Variants in DZIP3 observed in about 807,000 individuals in gnomAD.
DZIP3 encodes E3 ubiquitin-protein ligase DZIP3.
Under a neutral mutation model 162.0 loss-of-function variants are expected in DZIP3, and 118 were observed. That is an observed-to-expected ratio of 0.73 (90% CI 0.63 to 0.85). The LOEUF (loss-of-function observed/expected upper bound fraction) is 0.85. DZIP3 is among the 40% of genes least tolerant of loss of function. The pLI, the probability that DZIP3 is intolerant of heterozygous loss-of-function variation, is 0.00. For synonymous variants in DZIP3, 438 were observed against 458.6 expected (o/e 0.96, Z 0.57); for missense variants, 1,331 against 1,407.0 (o/e 0.95, Z 0.86).
rs995584838 is a variant in DZIP3 at position 108,603,253 on chromosome 3, A to G, written c.-72-2082A>G. On this transcript the variant is annotated intron_variant, in intron 1 of 32. Coordinates refer to ENST00000361582, the MANE Select transcript of DZIP3 (RefSeq NM_014648.4). ...TCTCTAGGTATGAAATAATGCCTTA[A>G]CTGTTGTTACTTTTTATTAAAATAA... The G allele has an allele frequency of 8.5e-5, 13 of 152,250 alleles. 1 individual carries two copies. 9.4% of individuals were successfully genotyped at this position (152,250 alleles called of 1,614,324 possible). A position where few individuals can be genotyped will look rare whatever the true frequency, so the allele number is the denominator to read the frequency against.
chr3:108,592,582 G>T (rs563653982), intron 1 of DZIP3, among the ~76,000 whole-genome samples: 1 of 151,780 alleles, frequency 6.6e-6, no homozygotes, highest in Non-Finnish European at 1.5e-5. Context: ...TGTAGTCCCA[G>T]CTACTCAGGA....
At position 108,642,478 on chromosome 3, in the gene DZIP3, A is replaced by G. The variant is rs1280797268; in HGVS notation, c.1105A>G (p.Ile369Val). 2.0e-6 allele frequency: 3 copies of G among 1,486,310 alleles called. No individual in the cohort carries two copies. The highest frequency in any genetic ancestry group is 2.7e-6 in the Non-Finnish European group (3 of 1,096,606). The allele number at this position is 1,486,310 out of a possible 1,614,324, so 92.1% of individuals were successfully genotyped here. A position where few individuals can be genotyped will look rare whatever the true frequency, so the allele number is the denominator to read the frequency against. ...LISLKITDTD[I>V]RPKISLKFNT... ...ATCTCTGAAAATAACTGATACTGAT[A>G]TAAGACCGAAGATCAGTTTAAAATT... The change falls in exon 13 of 33, where the codon ATA (isoleucine) becomes GTA (valine). Residue 369 changes from isoleucine to valine, a missense_variant. Ile to Val is a conservative substitution (Grantham distance 29). This residue lies in a region of DZIP3 where 1,278 missense variants were observed against 1,317.1 expected (regional missense o/e 0.97). Coordinates refer to ENST00000361582, the MANE Select transcript of DZIP3 (RefSeq NM_014648.4).
At chr3:108,602,168 A>G (rs1940057267) in intron 1 of DZIP3, among the ~76,000 whole-genome samples, 1 of 152,222 alleles carries the variant, frequency 6.6e-6, no homozygotes, top group Non-Finnish European at 1.5e-5. Context: ...TGATAGTAAC[A>G]CAAGTTAAAT....
chr3:108,661,287 A>G (rs1345461921), intron 19 of DZIP3, among the ~76,000 whole-genome samples: 2 of 152,222 alleles, frequency 1.3e-5, no homozygotes, highest in African/African-American at 4.8e-5. Flanking sequence ...CATATACACC[A>G]CGGAATACTA....
At chr3:108,689,725 T>C (rs535801558) in intron 31 of DZIP3, among the ~76,000 whole-genome samples, 1 of 152,192 alleles carries the variant, frequency 6.6e-6, no homozygotes, top group Admixed American at 6.5e-5. Context: ...GGCATGTCTT[T>C]TGTTGATTCT....
intron 26 of DZIP3, among the ~76,000 whole-genome samples, chr3:108,679,062 T>A (rs1302797895): frequency 6.6e-6 from 1 of 152,144 alleles, no homozygotes; most frequent in African/African-American, 2.4e-5. Flanking sequence ...ACTACTCTGA[T>A]AAGGAATGTG....
At chr3:108,603,028 G>C (rs1940117789) in intron 1 of DZIP3, 1 of 152,150 alleles carries the variant, frequency 6.6e-6, no homozygotes, top group Non-Finnish European at 1.5e-5. Flanking sequence ...GCTGAACACT[G>C]AACAGCTTAG....
intron 27 of DZIP3, among the ~76,000 whole-genome samples, chr3:108,684,918 A>C (rs1489003555): frequency 6.6e-6 from 1 of 152,216 alleles, no homozygotes; most frequent in African/African-American, 2.4e-5. Context: ...CAGAATTATC[A>C]GTTGTAATCT....
At chr3:108,625,210 A>G (rs1941538584) in intron 6 of DZIP3, among the ~76,000 whole-genome samples, 1 of 152,110 alleles carries the variant, frequency 6.6e-6, no homozygotes, top group Admixed American at 6.5e-5. Context: ...AGCATCTATT[A>G]TAACAGATCC....
At position 108,671,642 on chromosome 3, in the gene DZIP3, T is replaced by G. The variant is rs114000830; in HGVS notation, c.2493-918T>G. On this transcript the variant is annotated intron_variant, in intron 22 of 32. Coordinates refer to ENST00000361582, the MANE Select transcript of DZIP3 (RefSeq NM_014648.4). Reference sequence around the variant, plus strand: ...AATATTTTAATGCAGTAACTTCACGTAATGACGGGGATAATAAAAACCTAT... The same window carrying G: ...AATATTTTAATGCAGTAACTTCACGGAATGACGGGGATAATAAAAACCTAT... Among the ~76,000 whole-genome samples, 596 of 152,074 alleles carry G rather than the reference T, an allele frequency of 3.9e-3. 6 individuals are homozygous for G. The highest frequency in any genetic ancestry group is 0.014 in the African/African-American group (582 of 41,540).
intron 19 of DZIP3, among the ~76,000 whole-genome samples, chr3:108,661,018 C>T (rs1198573162): frequency 6.6e-6 from 1 of 152,194 alleles, no homozygotes; most frequent in Non-Finnish European, 1.5e-5. Flanking sequence ...GAAATAGGAA[C>T]ACTTTTACAC....
chr3:108,662,341 G>A (rs2107303040), intron 21 of DZIP3, 84 bp downstream of exon 21: 1 of 1,444,376 alleles, frequency 6.9e-7, no homozygotes, highest in Non-Finnish European at 9.1e-7. Context: ...TAACCACTAG[G>A]TGGCACTGTG....
At chr3:108,685,075 A>G (rs1944449630) in intron 27 of DZIP3, among the ~76,000 whole-genome samples, 1 of 152,136 alleles carries the variant, frequency 6.6e-6, no homozygotes. Context: ...TATATTGCTA[A>G]CAGTTTCCTT....
chr3:108,662,114 A>G lies in DZIP3; in HGVS notation c.2296-16A>G, dbSNP rs1158781847. On this transcript the variant is annotated splice_polypyrimidine_tract_variant and intron_variant, in intron 20 of 32. Coordinates refer to ENST00000361582, the MANE Select transcript of DZIP3 (RefSeq NM_014648.4). ...CTTGAACATAATTATCTGAAATAAT[A>G]TTTTTTATTGATCAGGATTTCAAAA... 1 of 1,580,436 alleles carries G rather than the reference A, an allele frequency of 6.3e-7. No homozygotes were observed. The highest frequency in any genetic ancestry group is 1.4e-5 in the African/African-American group (1 of 72,728).
rs1310655119 is a variant in DZIP3, at chr3:108,688,115, C to A, written c.3270+19C>A. On this transcript the variant is annotated intron_variant, in intron 29 of 32. Coordinates refer to ENST00000361582, the MANE Select transcript of DZIP3 (RefSeq NM_014648.4). ...GTCTCAGGTAAAATGCAAAAACAACCAAAAAACCTGTATCTCTCTGCCCTT... is the reference window on the plus strand; with the variant it reads ...GTCTCAGGTAAAATGCAAAAACAACAAAAAAACCTGTATCTCTCTGCCCTT... The A allele has an allele frequency of 1.2e-6, 2 of 1,610,954 alleles. No individual in the cohort carries two copies. The highest frequency in any genetic ancestry group is 2.7e-5 in the African/African-American group (2 of 74,728).
intron 2 of DZIP3, among the ~76,000 whole-genome samples, chr3:108,607,733 A>G (rs1431951830): frequency 6.6e-6 from 1 of 152,192 alleles, no homozygotes; most frequent in South Asian, 2.1e-4. Flanking sequence ...CTAACCTGTA[A>G]TATCTTCATA....
chr3:108,678,577 G>A (rs560584725), intron 26 of DZIP3, among the ~76,000 whole-genome samples: 2 of 152,072 alleles, frequency 1.3e-5, no homozygotes, highest in South Asian at 4.2e-4. Context: ...TTCTCTGCTT[G>A]TTGTTAGGGG....
intron 31 of DZIP3, 127 bp from the exon 32 acceptor site, chr3:108,690,660 G>A (rs2107444599): frequency 5.1e-6 from 4 of 789,592 alleles, no homozygotes; most frequent in South Asian, 2.0e-5. Context: ...TTGGTTTGAC[G>A]ATCCACAGCG....
At chr3:108,623,676 C>A (rs1941469657) in intron 5 of DZIP3, among the ~76,000 whole-genome samples, 1 of 152,190 alleles carries the variant, frequency 6.6e-6, no homozygotes, top group African/African-American at 2.4e-5. Flanking sequence ...CACCACAAAT[C>A]CACTGGCTCC....
Sources: allele counts gnomAD v4.1 joint callset (sites outside exome capture counted in the v4.1 genomes callset), GRCh38; gene constraint gnomAD v4.1.1; regional missense constraint gnomAD v4.1.1; transcripts MANE v1.5; gene names NCBI Gene and HGNC (gene_info 2026-07-23, HGNC 2026-07-21).